The following MTUS1 variants were observed in gnomAD, a reference collection of about 807,000 sequenced individuals.
MTUS1 encodes the protein microtubule associated scaffold protein 1.
Under a neutral mutation model 120.8 loss-of-function variants are expected in MTUS1, and 109 were observed. The ratio of observed to expected loss-of-function variants is 0.90; its 90% CI spans 0.77 to 1.06. The LOEUF is 1.06. MTUS1 is among the 50% of genes least tolerant of loss of function. The pLI, the probability that MTUS1 is intolerant of heterozygous loss-of-function variation, is 0.00. For missense variants in MTUS1, 2,210 were observed against 1,486.3 expected, an observed-to-expected ratio of 1.49 and a Z score of -8.01; for synonymous variants, 737 against 550.5, an observed-to-expected ratio of 1.34 and a Z score of -4.74.
At chr8:17,684,049 G>C (rs1268052201) in intron 7 of MTUS1, among the ~76,000 whole-genome samples, 1 of 152,160 alleles carries the variant, frequency 6.6e-6, no homozygotes, top group African/African-American at 2.4e-5. Context: ...TTTAGGTCTA[G>C]AGGCATACAC....
At chr8:17,727,384 C>A (rs1162531175) in intron 3 of MTUS1, among the ~76,000 whole-genome samples, 1 of 152,130 alleles carries the variant, frequency 6.6e-6, no homozygotes, top group African/African-American at 2.4e-5. Context: ...CTCGGCCATG[C>A]CACAGAATAG....
chr8:17,733,127 G>C (rs757931459), intron 3 of MTUS1, among the ~76,000 whole-genome samples: 1 of 152,114 alleles, frequency 6.6e-6, no homozygotes, highest in Non-Finnish European at 1.5e-5. Context: ...GAGGTGGGTG[G>C]ATCACCTGAG....
intron 8 of MTUS1, among the ~76,000 whole-genome samples, chr8:17,657,250 T>TGG (rs1400429555): frequency 6.7e-6 from 1 of 149,698 alleles, no homozygotes; most frequent in Non-Finnish European, 1.5e-5. Context: ...CCAGGCACGG[T>TGG]GGTTTGTGCT....
intron 1 of MTUS1, among the ~76,000 whole-genome samples, chr8:17,786,948 G>A (rs751219525): frequency 3.9e-5 from 6 of 152,124 alleles, no homozygotes; most frequent in Non-Finnish European, 7.4e-5. Context: ...ATACATTTCA[G>A]AAAGAAAATA....
At chr8:17,764,769 T>G (rs965927136) in intron 1 of MTUS1, among the ~76,000 whole-genome samples, 1 of 152,228 alleles carries the variant, frequency 6.6e-6, no homozygotes, top group Non-Finnish European at 1.5e-5. Flanking sequence ...TGGGCCAGAC[T>G]TGGCCGTGGA....
chr8:17,753,409 A>C (rs1040671427), intron 2 of MTUS1, among the ~76,000 whole-genome samples: 1 of 152,226 alleles, frequency 6.6e-6, no homozygotes, highest in African/African-American at 2.4e-5. Context: ...ACCTGATTGT[A>C]TCAGGCACTT....
chr8:17,750,793 T>C (rs1247832718), intron 2 of MTUS1, among the ~76,000 whole-genome samples: 1 of 152,230 alleles, frequency 6.6e-6, no homozygotes, highest in Non-Finnish European at 1.5e-5. Context: ...CCTTTTAGGT[T>C]AAGTCTCCAC....
chr8:17,774,971 TAAAAAAA>T (rs76567642), intron 1 of MTUS1, among the ~76,000 whole-genome samples: 2 of 96,980 alleles, frequency 2.1e-5, no homozygotes, highest in African/African-American at 4.0e-5. Context: ...ATATTATAAG[TAAAAAAA>T]AAAAAAAAAA....
At chr8:17,717,802 A>G (rs1488534076) in intron 4 of MTUS1, among the ~76,000 whole-genome samples, 1 of 152,120 alleles carries the variant, frequency 6.6e-6, no homozygotes, top group Non-Finnish European at 1.5e-5. Flanking sequence ...TCTCACTGCC[A>G]CTTTTCAGAC....
intron 1 of MTUS1, among the ~76,000 whole-genome samples, chr8:17,768,540 A>G (rs2049747467): frequency 6.6e-6 from 1 of 152,166 alleles, no homozygotes; most frequent in Non-Finnish European, 1.5e-5. Flanking sequence ...GGTAAAAAAA[A>G]AAAATTAAAA....
At position 17,700,055 on chromosome 8, in the gene MTUS1, T is replaced by C. The variant is rs1818730664; in HGVS notation, c.2623+13159A>G. ...CCTAAAAAAAGCATCTTTGTTATTT[T>C]TAAAAGTCTTAATTTAAGAGGAAAA... On this transcript the variant is annotated intron_variant, in intron 6 of 14. Coordinates refer to ENST00000693296, the MANE Select transcript of MTUS1 (RefSeq NM_001363059.2). 3.9e-5 allele frequency among the ~76,000 whole-genome samples: 6 copies of C among 152,292 alleles called. 2 individuals carry two copies. The South Asian group carries it at 1.2e-3, about 32-fold the overall frequency.
intron 1 of MTUS1, among the ~76,000 whole-genome samples, chr8:17,781,659 C>A (rs2050885918): frequency 6.6e-6 from 1 of 152,128 alleles, no homozygotes; most frequent in African/African-American, 2.4e-5. Flanking sequence ...CTACACACGC[C>A]AAGAAGAAAT....
Position 17,684,431 on chromosome 8 carries a change from C to T in MTUS1, c.2735G>A (p.Cys912Tyr), listed in dbSNP as rs1289274433. ...CAGGATAAATCCACTTTGGTTTTCA[C>T]ATTTTGTTTTATATTGCGTCAATTC... ...TLELTQYKTKCENQSGFILQL... is the reference protein window; with the variant it reads ...TLELTQYKTKYENQSGFILQL... Residue 912 changes from cysteine (C) to tyrosine (Y), a missense_variant, in exon 7 of 15, where the codon TGT becomes TAT. By Grantham distance (194) the Cys-to-Tyr change is radical. Transcript: ENST00000693296. The T allele has an allele frequency of 1.2e-6, 2 of 1,614,060 alleles. No homozygotes were observed. Among genetic ancestry groups the T allele is most frequent in the Admixed American group, 1.7e-5 (1 of 59,996 alleles).
chr8:17,757,012 A>C (rs1329221489), intron 1 of MTUS1, among the ~76,000 whole-genome samples: 5 of 152,212 alleles, frequency 3.3e-5, no homozygotes, highest in African/African-American at 9.6e-5. Flanking sequence ...CTTAAGTACC[A>C]CATGCCCCAG....
intron 1 of MTUS1, among the ~76,000 whole-genome samples, chr8:17,775,218 A>AC (rs1486938427): frequency 6.6e-6 from 1 of 152,190 alleles, no homozygotes; most frequent in Non-Finnish European, 1.5e-5. Flanking sequence ...ACTGAACCGT[A>AC]CACTCAAAAA....
intron 1 of MTUS1, among the ~76,000 whole-genome samples, chr8:17,788,022 G>C (rs1275223576): frequency 6.6e-6 from 1 of 152,172 alleles, no homozygotes; most frequent in Non-Finnish European, 1.5e-5. Context: ...TCCGGAGGCT[G>C]AAGTAGGAGA....
intron 3 of MTUS1, chr8:17,734,118 T>G (rs957965700): frequency 1.3e-5 from 2 of 152,322 alleles, no homozygotes; most frequent in Non-Finnish European, 2.9e-5. Context: ...ACTTGTCACC[T>G]CTTCTATTTG....
chr8:17,712,510 T>G (rs1005866411), intron 6 of MTUS1, among the ~76,000 whole-genome samples: 1 of 152,084 alleles, frequency 6.6e-6, no homozygotes, highest in Non-Finnish European at 1.5e-5. Context: ...CAAACTTTTT[T>G]GTATTTTTAG....
At chr8:17,783,940 G>C (rs970984520) in intron 1 of MTUS1, among the ~76,000 whole-genome samples, 2 of 152,144 alleles carry the variant, frequency 1.3e-5, no homozygotes, top group African/African-American at 4.8e-5. Context: ...TAAAGGCAGA[G>C]ATGAATGCAA....
Sources: gnomAD v4.1 joint callset for allele counts (sites outside exome capture counted in the v4.1 genomes callset) on GRCh38, gnomAD v4.1.1 for gene constraint, MANE v1.5 for transcripts, NCBI Gene and HGNC (gene_info 2026-07-23, HGNC 2026-07-21) for gene names.